Variants in ATRNL1 observed in about 807,000 individuals in gnomAD.
ATRNL1 encodes the protein attractin like 1, also known as attractin-like protein 1.
In ATRNL1, 95 loss-of-function variants were observed where a neutral mutation model predicts 182.7. The observed-to-expected ratio is 0.52, with a 90% confidence interval of 0.44 to 0.62. ATRNL1 has a LOEUF of 0.62. ATRNL1 is among the 20% of genes least tolerant of loss of function. ATRNL1 has a pLI of 0.00. For synonymous variants in ATRNL1, 576 were observed against 568.3 expected (o/e 1.01, Z -0.19); for missense variants, 1,471 against 1,679.5 (o/e 0.88, Z 2.17).
chr10:115,097,472 C>T (rs1458156212), intron 1 of ATRNL1, among the ~76,000 whole-genome samples: 1 of 152,004 alleles, frequency 6.6e-6, no homozygotes, highest in African/African-American at 2.4e-5. Context: ...GGTATCAGAG[C>T]GAGACTCTTC....
intron 20 of ATRNL1, among the ~76,000 whole-genome samples, chr10:115,421,228 C>A (rs955285136): frequency 6.6e-6 from 1 of 151,988 alleles, no homozygotes; most frequent in East Asian, 1.9e-4. Flanking sequence ...CAAAACCAGA[C>A]AAAGATAAAA....
chr10:115,869,964 C>CTTTTTTTTTTTTTTTTTT (rs150345069), intron 28 of ATRNL1, among the ~76,000 whole-genome samples: 1 of 71,690 alleles, frequency 1.4e-5, no homozygotes, highest in African/African-American at 6.4e-5. Context: ...GTTCCCAGAC[C>CTTTTTTTTTTTTTTTTTT]TTTTTTTTTT....
In ATRNL1 at chr10:115,105,724, C is replaced by T. The variant is rs902883919; in HGVS notation, c.293+11681C>T. Among the ~76,000 whole-genome samples, 3 of 152,338 alleles carry T rather than the reference C, an allele frequency of 2.0e-5. No homozygotes were observed. The East Asian group carries it at 5.8e-4, about 29-fold the overall frequency. On this transcript the variant is annotated intron_variant, in intron 1 of 28. Coordinates refer to ENST00000355044, the MANE Select transcript of ATRNL1 (RefSeq NM_207303.4). ...AGGCTGTGGCTTCAGAGGGTGCAAG[C>T]TCCAAGCCTTGGCAGCTTCCATGTG...
At chr10:115,823,139 A>C (rs1483921946) in intron 27 of ATRNL1, among the ~76,000 whole-genome samples, 5 of 152,206 alleles carry the variant, frequency 3.3e-5, no homozygotes, top group African/African-American at 1.2e-4. Flanking sequence ...ACGCTAATCA[A>C]TAAAATCCAT....
At chr10:115,398,732 A>G (rs1205549328) in intron 20 of ATRNL1, among the ~76,000 whole-genome samples, 2 of 151,974 alleles carry the variant, frequency 1.3e-5, no homozygotes, top group Non-Finnish European at 2.9e-5. Flanking sequence ...TGAGAACTTC[A>G]GATACTATGT....
intron 19 of ATRNL1, among the ~76,000 whole-genome samples, chr10:115,372,163 G>T (rs938618170): frequency 1.3e-5 from 2 of 152,126 alleles, no homozygotes; most frequent in African/African-American, 2.4e-5. Context: ...TATCAGTAGC[G>T]TGGAAACGGA....
chr10:115,459,806 A>G (rs1261087839), intron 21 of ATRNL1, among the ~76,000 whole-genome samples: 1 of 152,020 alleles, frequency 6.6e-6, no homozygotes, highest in East Asian at 1.9e-4. Context: ...TTTGTGGCTC[A>G]TGGGGCATCA....
intron 28 of ATRNL1, among the ~76,000 whole-genome samples, chr10:115,917,026 A>T (rs1459790283): frequency 6.6e-6 from 1 of 152,182 alleles, no homozygotes; most frequent in Non-Finnish European, 1.5e-5. Flanking sequence ...TGCTATATAC[A>T]GCCTTACAGG....
chr10:115,117,902 G>T (rs563074178), intron 1 of ATRNL1, among the ~76,000 whole-genome samples: 2 of 152,030 alleles, frequency 1.3e-5, no homozygotes, highest in South Asian at 2.1e-4. Context: ...TTTTAACTGG[G>T]GTAAGATGAT....
At chr10:115,636,870 C>T (rs1245466394) in intron 26 of ATRNL1, among the ~76,000 whole-genome samples, 1 of 151,990 alleles carries the variant, frequency 6.6e-6, no homozygotes, top group East Asian at 1.9e-4. Context: ...ATATTATTTG[C>T]TAATAAAAAG....
chr10:115,366,480 A>G (rs1429136413), intron 19 of ATRNL1, among the ~76,000 whole-genome samples: 1 of 152,088 alleles, frequency 6.6e-6, no homozygotes, highest in Non-Finnish European at 1.5e-5. Context: ...CCAATTTGCC[A>G]GTCTGTGTCT....
At chr10:115,159,833 C>G (rs529634000) in intron 5 of ATRNL1, among the ~76,000 whole-genome samples, 1 of 151,318 alleles carries the variant, frequency 6.6e-6, no homozygotes, top group Non-Finnish European at 1.5e-5. Context: ...CATCCAAGTC[C>G]GATTGTGAGT....
chr10:115,565,482 A>G lies in ATRNL1; in HGVS notation c.3795+15946A>G, dbSNP rs542615773. ...TGCATGGTTATTATGTTATGCAAGT[A>G]TACATTTGTACCATGTTATTGTGTT... On this transcript the variant is annotated intron_variant, in intron 26 of 28. Coordinates refer to ENST00000355044, the MANE Select transcript of ATRNL1 (RefSeq NM_207303.4). Among the ~76,000 whole-genome samples the G allele has an allele frequency of 1.0e-3, 159 of 152,242 alleles. 1 individual carries two copies. The highest frequency in any genetic ancestry group is 3.7e-3 in the African/African-American group (153 of 41,582).
intron 26 of ATRNL1, among the ~76,000 whole-genome samples, chr10:115,717,713 A>G (rs1947301231): frequency 6.6e-6 from 1 of 151,652 alleles, no homozygotes. Context: ...CACTACGCCC[A>G]GCTAATTTTT....
At chr10:115,328,455 A>G (rs1187484130) in intron 18 of ATRNL1, among the ~76,000 whole-genome samples, 1 of 152,142 alleles carries the variant, frequency 6.6e-6, no homozygotes, top group Non-Finnish European at 1.5e-5. Context: ...CCTCTCTTCT[A>G]GCTATTTGAA....
chr10:115,475,494 A>G (rs1848489550), intron 24 of ATRNL1, among the ~76,000 whole-genome samples: 1 of 151,390 alleles, frequency 6.6e-6, no homozygotes, highest in African/African-American at 2.4e-5. Flanking sequence ...TCTCTGTGGC[A>G]TATCTCACTT....
intron 19 of ATRNL1, among the ~76,000 whole-genome samples, chr10:115,348,847 A>G (rs1856099551): frequency 6.6e-6 from 1 of 152,104 alleles, no homozygotes; most frequent in Non-Finnish European, 1.5e-5. Context: ...TAATAGTTGT[A>G]CATATTTAAG....
chr10:115,280,001 A>T (rs1344582785), intron 13 of ATRNL1, among the ~76,000 whole-genome samples: 1 of 152,182 alleles, frequency 6.6e-6, no homozygotes, highest in African/African-American at 2.4e-5. Context: ...AGGCTCCATT[A>T]TGAAATCATT....
intron 28 of ATRNL1, among the ~76,000 whole-genome samples, chr10:115,918,212 T>G (rs1185648953): frequency 6.6e-6 from 1 of 151,880 alleles, no homozygotes; most frequent in East Asian, 1.9e-4. Context: ...GAGGTTCTCT[T>G]GCCTCAGCCC....
Sources: allele counts gnomAD v4.1 joint callset (sites outside exome capture counted in the v4.1 genomes callset), GRCh38; gene constraint gnomAD v4.1.1; transcripts MANE v1.5; gene names NCBI Gene and HGNC (gene_info 2026-07-23, HGNC 2026-07-21).